The following RNLS variants were observed in gnomAD, a reference collection of about 807,000 sequenced individuals.
RNLS encodes the protein renalase, FAD dependent amine oxidase.
In RNLS, 39 loss-of-function variants were observed where a neutral mutation model predicts 39.8. The observed-to-expected ratio is 0.98, with a 90% confidence interval of 0.76 to 1.28. The LOEUF is 1.28. RNLS is among the 50% of genes most tolerant of loss of function. RNLS has a pLI of 0.00. For missense variants in RNLS, 410 were observed against 413.3 expected (o/e 0.99, Z 0.07); for synonymous variants, 147 against 150.7 (o/e 0.98, Z 0.18).
At chr10:88,508,927 C>T (rs1229540166) in intron 4 of RNLS, among the ~76,000 whole-genome samples, 1 of 151,972 alleles carries the variant, frequency 6.6e-6, no homozygotes, top group Admixed American at 6.6e-5. Flanking sequence ...TTCTCAAAGG[C>T]ACTGCACATT....
At chr10:88,238,264 G>C in the RNLS span, among the ~76,000 whole-genome samples, 40 of 152,306 alleles carry the variant, frequency 2.6e-4, no homozygotes, top group African/African-American at 8.9e-4. Context: ...TGCAACCTCT[G>C]TAATGTTCTA....
At chr10:88,251,930 C>T in the RNLS span, among the ~76,000 whole-genome samples, 4 of 152,182 alleles carry the variant, frequency 2.6e-5, no homozygotes, top group Non-Finnish European at 4.4e-5. Flanking sequence ...TGGTGCACCA[C>T]ACCACAGTGT....
At chr10:88,212,207 A>C in the RNLS span, among the ~76,000 whole-genome samples, 21 of 152,172 alleles carry the variant, frequency 1.4e-4, no homozygotes, top group Non-Finnish European at 2.5e-4. Context: ...CTGACTTGTA[A>C]TATCAGTTCT....
chr10:88,173,675 C>T, the RNLS span, among the ~76,000 whole-genome samples: 1 of 152,180 alleles, frequency 6.6e-6, no homozygotes, highest in East Asian at 1.9e-4. Flanking sequence ...TTTTTTTAGA[C>T]TCCTTTTATG....
chr10:88,305,489 G>C (rs142202317), intron 6 of RNLS, among the ~76,000 whole-genome samples: 101 of 152,066 alleles, frequency 6.6e-4, no homozygotes, highest in African/African-American at 2.3e-3. Context: ...AAAATAAAGG[G>C]ATCTACCAAG....
chr10:88,247,573 G>A, the RNLS span, among the ~76,000 whole-genome samples: 1 of 152,162 alleles, frequency 6.6e-6, no homozygotes, highest in Non-Finnish European at 1.5e-5. Context: ...ACCTCAAGGG[G>A]TTGTGGTAAG....
intron 4 of RNLS, among the ~76,000 whole-genome samples, chr10:88,441,074 T>C (rs1056862774): frequency 6.6e-6 from 1 of 152,270 alleles, no homozygotes; most frequent in Non-Finnish European, 1.5e-5. Flanking sequence ...TCATGTGTTA[T>C]AAATAATAGA....
intron 5 of RNLS, among the ~76,000 whole-genome samples, chr10:88,342,169 G>C (rs1051672606): frequency 5.9e-5 from 9 of 152,092 alleles, no homozygotes; most frequent in African/African-American, 1.9e-4. Context: ...GCTGACTTTT[G>C]GGGCTTATCT....
Position 88,285,335 on chromosome 10 carries a change from G to T in RNLS, c.*19C>A. 1 of 1,575,236 alleles carries T rather than the reference G, an allele frequency of 6.3e-7. No individual in the cohort carries two copies. The highest frequency in any genetic ancestry group is 8.6e-7 in the Non-Finnish European group (1 of 1,156,826). ...AAAATAAAAACCCAATACACATGTA[G>T]AGAATAAGGATATAGGCACTAAATA... On this transcript the variant is annotated 3_prime_UTR_variant, in exon 7 of 7. Transcript: ENST00000331772.
At chr10:88,314,706 T>C (rs1022894630) in intron 5 of RNLS, 65 bp from the exon 6 acceptor site, 1 of 1,437,394 alleles carries the variant, frequency 7.0e-7, no homozygotes, top group African/African-American at 1.4e-5. Context: ...TCTCTCAGGA[T>C]TTCAATTCAG....
At chr10:88,241,373 A>C in the RNLS span, among the ~76,000 whole-genome samples, 1 of 152,148 alleles carries the variant, frequency 6.6e-6, no homozygotes, top group Non-Finnish European at 1.5e-5. Flanking sequence ...TTCTCAACTT[A>C]ATTTCCATAA....
chr10:88,284,138 G>C lies in RNLS; in HGVS notation c.*1216C>G. 1.3e-5 allele frequency: 13 copies of C among 985,046 alleles called. No individual in the cohort carries two copies. Among genetic ancestry groups the C allele is most frequent in the Non-Finnish European group, 1.6e-5 (13 of 829,720 alleles). The allele number at this position is 985,046 out of a possible 1,614,324, so 61.0% of individuals were successfully genotyped here. The stretch of plus-strand genomic sequence containing the variant: ...GTTTTTCACCAATTTATTGCTAAGA[G>C]GAAACATATAATAATATGCTATAGG... On this transcript the variant is annotated 3_prime_UTR_variant, in exon 7 of 7. Coordinates refer to ENST00000331772, the MANE Select transcript of RNLS (RefSeq NM_001031709.3).
At chr10:88,321,975 A>C (rs75996024) in intron 5 of RNLS, among the ~76,000 whole-genome samples, 2,800 of 152,272 alleles carry the variant, frequency 0.018, 33 homozygotes, top group South Asian at 0.032. Context: ...ATCATCCAAA[A>C]TCTGGCAAGG....
intron 4 of RNLS, among the ~76,000 whole-genome samples, chr10:88,450,983 A>G (rs1842328070): frequency 1.2e-5 from 1 of 80,700 alleles, no homozygotes; most frequent in Non-Finnish European, 2.2e-5. Flanking sequence ...GGAGGAAAGA[A>G]TGTGACAGGA....
the RNLS span, among the ~76,000 whole-genome samples, chr10:88,219,488 T>G: frequency 4.0e-4 from 61 of 152,352 alleles, no homozygotes; most frequent in African/African-American, 1.4e-3. Flanking sequence ...CTGTGACTTC[T>G]TGCTTTCATC....
At chr10:88,420,036 AAATAAATAAATAAATAAATAAATGAATG>A (rs1273247518) in intron 4 of RNLS, among the ~76,000 whole-genome samples, 16 of 112,882 alleles carry the variant, frequency 1.4e-4, no homozygotes, top group Non-Finnish European at 2.1e-4. Context: ...ATAAATAAAT[AAATAAATAAATAAATAAATAAATGAATG>A]AATAAATAAA....
chr10:88,482,083 C>G (rs894170321), intron 4 of RNLS, among the ~76,000 whole-genome samples: 1 of 152,002 alleles, frequency 6.6e-6, no homozygotes, highest in African/African-American at 2.4e-5. Context: ...AAGATTTTCT[C>G]ATTTTCTTTG....
intron 4 of RNLS, among the ~76,000 whole-genome samples, chr10:88,527,351 T>C (rs1343548442): frequency 6.6e-6 from 1 of 152,146 alleles, no homozygotes; most frequent in African/African-American, 2.4e-5. Flanking sequence ...GACCCTCACA[T>C]AGTTTCTCCA....
downstream of RNLS, among the ~76,000 whole-genome samples, chr10:88,282,667 C>A (rs1221744518): frequency 1.3e-5 from 2 of 151,990 alleles, no homozygotes; most frequent in East Asian, 3.9e-4. Context: ...TCTTCCTCCC[C>A]GCCCTCCCCC....
Sources: allele counts gnomAD v4.1 joint callset (sites outside exome capture counted in the v4.1 genomes callset), GRCh38; gene constraint gnomAD v4.1.1; transcripts MANE v1.5; gene names NCBI Gene and HGNC (gene_info 2026-07-23, HGNC 2026-07-21).